The following PLCB1 variants were observed in gnomAD, a reference collection of about 807,000 sequenced individuals.
PLCB1 encodes the protein phospholipase C beta 1.
Under a neutral mutation model 161.8 loss-of-function variants are expected in PLCB1, and 46 were observed. That is an observed-to-expected ratio of 0.28 (90% confidence interval 0.22 to 0.36). The LOEUF (loss-of-function observed/expected upper bound fraction) is 0.36, where lower values mean the gene tolerates loss of function less well. Ranked by LOEUF, PLCB1 falls within the 10% of genes least tolerant of loss-of-function variation. PLCB1 has a pLI of 1.00. For synonymous variants in PLCB1, 517 were observed against 503.7 expected (o/e 1.03, Z -0.35); for missense variants, 1,016 against 1,472.5 (o/e 0.69, Z 5.07).
At chr20:8,275,248 T>A (rs889963750) in intron 2 of PLCB1, among the ~76,000 whole-genome samples, 2 of 118,220 alleles carry the variant, frequency 1.7e-5, no homozygotes, top group African/African-American at 6.5e-5. Context: ...TGCATCAGCG[T>A]GAGTGTGTGT....
intron 2 of PLCB1, among the ~76,000 whole-genome samples, chr20:8,267,263 G>A (rs1341630540): frequency 6.6e-6 from 1 of 152,136 alleles, no homozygotes; most frequent in African/African-American, 2.4e-5. Flanking sequence ...GCTGCTGCTA[G>A]TGTTGGCTTT....
At chr20:8,151,281 A>G (rs2051505596) in intron 2 of PLCB1, among the ~76,000 whole-genome samples, 1 of 152,202 alleles carries the variant, frequency 6.6e-6, no homozygotes, top group South Asian at 2.1e-4. Flanking sequence ...ACAAATTGTT[A>G]GCTCTTTCAA....
chr20:8,415,431 A>G (rs901365641), intron 3 of PLCB1, among the ~76,000 whole-genome samples: 1 of 152,222 alleles, frequency 6.6e-6, no homozygotes. Context: ...GCCCCTTTCC[A>G]TAGGTCTTAA....
intron 31 of PLCB1, among the ~76,000 whole-genome samples, chr20:8,818,517 A>G (rs1985182122): frequency 6.6e-6 from 1 of 152,242 alleles, no homozygotes; most frequent in Non-Finnish European, 1.5e-5. Flanking sequence ...AAATGATGTG[A>G]ATAACTATTC....
intron 31 of PLCB1, among the ~76,000 whole-genome samples, chr20:8,871,513 A>G (rs997747287): frequency 3.3e-5 from 5 of 152,184 alleles, no homozygotes; most frequent in Non-Finnish European, 5.9e-5. Flanking sequence ...TCCACAGTCC[A>G]TCTTGTGTGT....
chr20:8,346,186 A>G (rs1985995163), intron 2 of PLCB1, among the ~76,000 whole-genome samples: 1 of 152,200 alleles, frequency 6.6e-6, no homozygotes, highest in Non-Finnish European at 1.5e-5. Context: ...AAAGCTGACT[A>G]AACTAATTTC....
chr20:8,746,689 G>T (rs546991277), intron 23 of PLCB1, among the ~76,000 whole-genome samples: 1 of 152,120 alleles, frequency 6.6e-6, no homozygotes, highest in Non-Finnish European at 1.5e-5. Flanking sequence ...TAAAACCTCC[G>T]GATGTCCTAA....
intron 3 of PLCB1, among the ~76,000 whole-genome samples, chr20:8,585,462 C>T (rs1986962196): frequency 6.6e-6 from 1 of 152,226 alleles, no homozygotes; most frequent in African/African-American, 2.4e-5. Flanking sequence ...TTGGAAAGAA[C>T]TAGAAACTCT....
intron 15 of PLCB1, among the ~76,000 whole-genome samples, chr20:8,724,433 T>G (rs1979824215): frequency 6.6e-6 from 1 of 152,108 alleles, no homozygotes; most frequent in South Asian, 2.1e-4. Flanking sequence ...GTTGGGGCCA[T>G]GCTGCCAGCC....
At chr20:8,783,195 A>G (rs1010281896) in intron 27 of PLCB1, among the ~76,000 whole-genome samples, 1 of 152,244 alleles carries the variant, frequency 6.6e-6, no homozygotes, top group African/African-American at 2.4e-5. Flanking sequence ...ACCAAAAGTG[A>G]AAATTAAATG....
chr20:8,624,234 G>A (rs941556406), intron 3 of PLCB1, among the ~76,000 whole-genome samples: 4 of 152,108 alleles, frequency 2.6e-5, no homozygotes, highest in African/African-American at 7.2e-5. Context: ...GAATGGATTT[G>A]AGTTCCATCC....
chr20:8,502,204 C>G (rs1249527872), intron 3 of PLCB1, among the ~76,000 whole-genome samples: 1 of 151,892 alleles, frequency 6.6e-6, no homozygotes, highest in Non-Finnish European at 1.5e-5. Flanking sequence ...TGGGACAGCT[C>G]TAAATACAGT....
intron 2 of PLCB1, among the ~76,000 whole-genome samples, chr20:8,188,340 C>T (rs1390486297): frequency 6.6e-6 from 1 of 151,932 alleles, no homozygotes; most frequent in Non-Finnish European, 1.5e-5. Context: ...GGAGGGGCTA[C>T]AAAGGAAGTA....
intron 3 of PLCB1, among the ~76,000 whole-genome samples, chr20:8,444,707 C>T (rs1157769123): frequency 3.9e-5 from 6 of 152,148 alleles, no homozygotes; most frequent in African/African-American, 1.4e-4. Flanking sequence ...CTCTCCAGTA[C>T]CTGTTGTTTC....
At chr20:8,396,388 T>A (rs1489596725) in intron 3 of PLCB1, among the ~76,000 whole-genome samples, 1 of 152,110 alleles carries the variant, frequency 6.6e-6, no homozygotes, top group Non-Finnish European at 1.5e-5. Flanking sequence ...TAGTTGCATG[T>A]GGCAAAAATT....
chr20:8,674,817 T>G (rs1481176212), intron 9 of PLCB1, among the ~76,000 whole-genome samples: 2 of 152,130 alleles, frequency 1.3e-5, no homozygotes, highest in African/African-American at 4.8e-5. Flanking sequence ...ATCCCTTTCT[T>G]CCCTAAAGCA....
chr20:8,763,241 G>A (rs369957821), intron 25 of PLCB1, among the ~76,000 whole-genome samples: 7 of 152,250 alleles, frequency 4.6e-5, no homozygotes, highest in African/African-American at 1.2e-4. Context: ...TCACCCTGTC[G>A]CCCAGGCTGC....
chr20:8,145,694 G>T (rs1175999817), intron 1 of PLCB1, among the ~76,000 whole-genome samples: 1 of 152,172 alleles, frequency 6.6e-6, no homozygotes, highest in Non-Finnish European at 1.5e-5. Context: ...TCCCTGTGAA[G>T]GTTTGGAGTT....
intron 1 of PLCB1, among the ~76,000 whole-genome samples, chr20:8,133,868 G>A (rs1174694826): frequency 1.3e-5 from 2 of 152,212 alleles, no homozygotes; most frequent in African/African-American, 4.8e-5. Flanking sequence ...GTAAATTATA[G>A]CCTGTTATCC....
Sources: gnomAD v4.1 joint callset for allele counts (sites outside exome capture counted in the v4.1 genomes callset) on GRCh38, gnomAD v4.1.1 for gene constraint, MANE v1.5 for transcripts, NCBI Gene and HGNC (gene_info 2026-07-23, HGNC 2026-07-21) for gene names.